STK32B: variants seen among roughly 807,000 people sequenced by gnomAD.
The protein encoded by STK32B is serine/threonine kinase 32B.
In STK32B, 43 loss-of-function variants were observed where a neutral mutation model predicts 52.6. That is an observed-to-expected ratio of 0.82 (90% confidence interval 0.64 to 1.05). The LOEUF (loss-of-function observed/expected upper bound fraction) is 1.05. Among genes scored for constraint, STK32B ranks in the 50% least tolerant of loss-of-function variants. The pLI is 0.00. For missense variants in STK32B, 621 were observed against 534.6 expected (o/e 1.16, Z -1.59); for synonymous variants, 238 against 204.3 (o/e 1.17, Z -1.41).
intron 3 of STK32B, among the ~76,000 whole-genome samples, chr4:5,247,865 G>A (rs989188393): frequency 6.6e-6 from 1 of 151,958 alleles, no homozygotes; most frequent in Non-Finnish European, 1.5e-5. Context: ...CTCTAAGAAT[G>A]CCTGGCTTTA....
chr4:5,416,181 C>G (rs967683039), intron 5 of STK32B, among the ~76,000 whole-genome samples: 1 of 152,002 alleles, frequency 6.6e-6, no homozygotes, highest in African/African-American at 2.4e-5. Context: ...TTCCTTCCTC[C>G]CTGTCCCCTT....
At chr4:5,175,570 C>T (rs1018783546) in intron 3 of STK32B, among the ~76,000 whole-genome samples, 2 of 152,220 alleles carry the variant, frequency 1.3e-5, no homozygotes, top group Non-Finnish European at 2.9e-5. Flanking sequence ...AGGTCCACTC[C>T]AGACCCCGTT....
At chr4:5,106,431 A>C (rs1458148816) in intron 1 of STK32B, among the ~76,000 whole-genome samples, 2 of 152,200 alleles carry the variant, frequency 1.3e-5, no homozygotes, top group Non-Finnish European at 2.9e-5. Context: ...ATGTTAAAGA[A>C]CTTTACTATA....
intron 11 of STK32B, among the ~76,000 whole-genome samples, chr4:5,475,756 T>TAA (rs113442373): frequency 1.1e-3 from 157 of 141,584 alleles, no homozygotes; most frequent in African/African-American, 3.9e-3. Context: ...ATGTGGAAAA[T>TAA]AAAAAAAAAA....
chr4:5,428,802 G>T (rs1577483619), intron 6 of STK32B, among the ~76,000 whole-genome samples: 1 of 152,054 alleles, frequency 6.6e-6, no homozygotes, highest in Non-Finnish European at 1.5e-5. Context: ...TTTCATTTAG[G>T]ATCATTACGT....
intron 3 of STK32B, among the ~76,000 whole-genome samples, chr4:5,255,697 C>T (rs186287952): frequency 2.6e-5 from 4 of 152,210 alleles, no homozygotes; most frequent in African/African-American, 7.2e-5. Flanking sequence ...TTATGTTTGG[C>T]TACTTTCACT....
In STK32B at chr4:5,380,437, C is replaced by T. The variant is rs149074977; in HGVS notation, c.435-17770C>T. Among the ~76,000 whole-genome samples the T allele has an allele frequency of 6.6e-6, 1 of 152,220 alleles. No homozygotes were observed. Among genetic ancestry groups the T allele is most frequent in the Admixed American group, 6.5e-5 (1 of 15,290 alleles). The stretch of plus-strand genomic sequence containing the variant: ...AAGAGGTACAGGAATTTTCCTGATG[C>T]TATGTCTAATTTTGTGAACAGATAT... On this transcript the variant is annotated intron_variant, in intron 4 of 11. Transcript: ENST00000282908. The surrounding 1 kb of genome is among the most constrained non-coding windows in gnomAD (Gnocchi z 4.3).
chr4:5,459,996 G>A (rs1339615485), intron 8 of STK32B, 107 bp from the exon 9 acceptor site: 26 of 1,515,966 alleles, frequency 1.7e-5, no homozygotes, highest in Admixed American at 3.5e-5. Flanking sequence ...TCAATAGAGC[G>A]TGAAGAGCAG....
chr4:5,244,659 T>G (rs1725309320), intron 3 of STK32B, among the ~76,000 whole-genome samples: 1 of 152,222 alleles, frequency 6.6e-6, no homozygotes, highest in Non-Finnish European at 1.5e-5. Flanking sequence ...GTTCTTTTAA[T>G]TGTGATGTTA....
chr4:5,130,502 C>G (rs139008165), intron 1 of STK32B, among the ~76,000 whole-genome samples: 1 of 152,114 alleles, frequency 6.6e-6, no homozygotes, highest in Admixed American at 6.5e-5. Context: ...AAAGTAATCT[C>G]TTGGCCTTGG....
intron 6 of STK32B, among the ~76,000 whole-genome samples, chr4:5,440,721 G>A (rs1714653238): frequency 1.3e-5 from 2 of 152,174 alleles, no homozygotes; most frequent in South Asian, 2.1e-4. Context: ...TGCCCATTCA[G>A]TATGATATTG....
At position 5,500,667 on chromosome 4, in the gene STK32B, T is replaced by TA. The variant is rs531640258; in HGVS notation, c.*1590dup. ...GGTTAGGTTTTATATTTTTATTTTT[T>TA]AAAAAAGAAATAGTCAGTGTTTTCC... is the stretch of plus-strand genomic sequence containing the variant. On this transcript the variant is annotated 3_prime_UTR_variant, in exon 12 of 12. Transcript: ENST00000282908. The TA allele has an allele frequency of 6.6e-6, 1 of 152,272 alleles. No homozygotes were observed. Among genetic ancestry groups the TA allele is most frequent in the East Asian group, 1.9e-4 (1 of 5,192 alleles). 9.4% of individuals were successfully genotyped at this position (152,272 alleles called of 1,614,324 possible).
chr4:5,297,805 A>G (rs759341475), intron 3 of STK32B, among the ~76,000 whole-genome samples: 4 of 151,510 alleles, frequency 2.6e-5, no homozygotes, highest in Non-Finnish European at 5.9e-5. Context: ...CTCATTCTCC[A>G]TCCAGTGTTG....
At chr4:5,035,427 A>G in the STK32B span, among the ~76,000 whole-genome samples, 2 of 152,226 alleles carry the variant, frequency 1.3e-5, no homozygotes, top group Non-Finnish European at 2.9e-5. Flanking sequence ...CATATCACAC[A>G]GCAGGAGAGG....
chr4:5,490,034 T>G (rs1297659364), intron 11 of STK32B, among the ~76,000 whole-genome samples: 1 of 152,152 alleles, frequency 6.6e-6, no homozygotes, highest in African/African-American at 2.4e-5. Context: ...TTACAATTGA[T>G]GGTTGGACCC....
intron 1 of STK32B, among the ~76,000 whole-genome samples, chr4:5,133,369 T>A (rs1715891309): frequency 6.6e-6 from 1 of 152,176 alleles, no homozygotes; most frequent in Admixed American, 6.5e-5. Flanking sequence ...TCAGCCCCCT[T>A]TCTGTGTAAA....
chr4:5,141,542 G>C (rs1017730624), intron 2 of STK32B, among the ~76,000 whole-genome samples: 5 of 152,134 alleles, frequency 3.3e-5, no homozygotes, highest in African/African-American at 1.2e-4. Context: ...TGGGGGAGGA[G>C]TTGCATGATC....
chr4:5,141,890 C>G (rs866633665), intron 2 of STK32B, among the ~76,000 whole-genome samples: 2 of 152,132 alleles, frequency 1.3e-5, no homozygotes, highest in Non-Finnish European at 1.5e-5. Flanking sequence ...TTGCCGAGTT[C>G]TGTGTATCAC....
intron 6 of STK32B, among the ~76,000 whole-genome samples, chr4:5,444,258 G>A (rs548247775): frequency 2.6e-5 from 4 of 152,332 alleles, no homozygotes; most frequent in South Asian, 2.1e-4. Flanking sequence ...GCGAGACTCC[G>A]TGGGTGTAGG....
Sources: gnomAD v4.1 joint callset for allele counts (sites outside exome capture counted in the v4.1 genomes callset) on GRCh38, gnomAD v4.1.1 for gene constraint, Gnocchi (gnomAD v3.1) non-coding constraint, MANE v1.5 for transcripts, NCBI Gene and HGNC (gene_info 2026-07-23, HGNC 2026-07-21) for gene names.